The following LMNB2 variants were observed in gnomAD, a reference collection of about 807,000 sequenced individuals.
The protein encoded by LMNB2 is lamin B2.
In LMNB2, 17 loss-of-function variants were observed where a neutral mutation model predicts 69.3. The ratio of observed to expected loss-of-function variants is 0.25; its 90% CI spans 0.17 to 0.37. The LOEUF (loss-of-function observed/expected upper bound fraction) is 0.37, where lower values mean the gene tolerates loss of function less well. LMNB2 is among the 10% of genes least tolerant of loss of function. The probability of loss-of-function intolerance (pLI) is 1.00; values close to 1 mark genes in which losing one functional copy is unlikely to be tolerated. For synonymous variants in LMNB2, 397 were observed against 389.3 expected, an observed-to-expected ratio of 1.02 and a Z score of -0.23; for missense variants, 789 against 883.6, an observed-to-expected ratio of 0.89 and a Z score of 1.36.
chr19:2,432,274 A>G (rs946189278), intron 9 of LMNB2, 142 bp downstream of exon 9: 2 of 743,538 alleles, frequency 2.7e-6, no homozygotes, highest in African/African-American at 1.7e-5. Flanking sequence ...TGGAGGTTCT[A>G]TGACTGCGGC....
At position 2,428,287 on chromosome 19, in the gene LMNB2, CTGAAA is replaced by C. The variant is rs1224316297; in HGVS notation, c.*2619_*2623del. On this transcript the variant is annotated 3_prime_UTR_variant, in exon 12 of 12. Transcript: ENST00000325327. ...ATGCATCTTCTTAAAAACCGAATCT[CTGAAA>C]TGAAAGTCCATGCCAGCCCCAGCTG... The C allele has an allele frequency of 1.3e-5, 2 of 152,328 alleles. No individual in the cohort carries two copies. The highest frequency in any genetic ancestry group is 2.4e-5 in the African/African-American group (1 of 41,564). 9.4% of individuals were successfully genotyped at this position (152,328 alleles called of 1,614,324 possible). A position where few individuals can be genotyped will look rare whatever the true frequency, so the allele number is the denominator to read the frequency against.
rs1329191465 is a variant in LMNB2 at position 2,443,253 on chromosome 19, G to A, written c.401+1151C>T. ...AGCCCCAGGCCCCGGGCAGGCGGGC[G>A]GTGGTCCCTGGGCTGACCTGGAGGG... On this transcript the variant is annotated intron_variant, in intron 2 of 11. Transcript: ENST00000325327. The surrounding 1 kb of genome is among the most constrained non-coding windows in gnomAD (Gnocchi z 6.2). Among the ~76,000 whole-genome samples the A allele has an allele frequency of 5.3e-5, 8 of 152,202 alleles. No individual in the cohort carries two copies. The highest frequency in any genetic ancestry group is 1.9e-4 in the East Asian group (1 of 5,202).
At chr19:2,452,297 G>A (rs1972030965) in intron 1 of LMNB2, among the ~76,000 whole-genome samples, 1 of 152,176 alleles carries the variant, frequency 6.6e-6, no homozygotes, top group Non-Finnish European at 1.5e-5. Flanking sequence ...AGCCGGGCAT[G>A]GTGGTGGGCG....
At chr19:2,449,187 G>A (rs1013536888) in intron 1 of LMNB2, among the ~76,000 whole-genome samples, 3 of 152,148 alleles carry the variant, frequency 2.0e-5, no homozygotes, top group South Asian at 2.1e-4. Context: ...GGGAGCCACC[G>A]CACCCAGCCC....
chr19:2,443,347 G>A lies in LMNB2; in HGVS notation c.401+1057C>T, dbSNP rs115879423. 0.012 allele frequency among the ~76,000 whole-genome samples: 1,759 copies of A among 152,302 alleles called. 38 individuals carry two copies. Among genetic ancestry groups the A allele is most frequent in the African/African-American group, 0.04 (1,661 of 41,570 alleles). On this transcript the variant is annotated intron_variant, in intron 2 of 11. Transcript: ENST00000325327. The surrounding 1 kb of genome is among the most constrained non-coding windows in gnomAD (Gnocchi z 6.2). The stretch of plus-strand genomic sequence containing the variant: ...CCAGCCCAGGAAGGAGGAGGGCGTC[G>A]GATGGAGAGGTCACCTGCAACCACG...
At position 2,434,102 on chromosome 19, in the gene LMNB2, C is replaced by T. The variant is rs944537199; in HGVS notation, c.1206G>A (p.Leu402=). 7.6e-6 allele frequency: 12 copies of T among 1,584,594 alleles called. No homozygotes were observed. The highest frequency in any genetic ancestry group is 1.0e-5 in the Non-Finnish European group (12 of 1,167,404). Residue 402 remains leucine (L), a synonymous_variant, in exon 8 of 12, where the codon CTG becomes CTA. Transcript: ENST00000325327. ...RKLLEGEEER[L]KLSPSPSSRV... is the part of the protein sequence containing the mutation. The stretch of plus-strand genomic sequence containing the variant: ...GCGAGGATGGGCTGGGGGACAGCTT[C>T]AGCCTGTGGGGAAGGCAAGGAAGGT...
At chr19:2,454,268 G>A (rs1972063567) in intron 1 of LMNB2, among the ~76,000 whole-genome samples, 1 of 147,270 alleles carries the variant, frequency 6.8e-6, no homozygotes, top group Non-Finnish European at 1.5e-5. Context: ...ACTCCAGCCT[G>A]GACGACGGAG....
chr19:2,431,515 C>T (rs776329397), intron 11 of LMNB2, 33 bp downstream of exon 11: 1 of 1,612,192 alleles, frequency 6.2e-7, no homozygotes, highest in Non-Finnish European at 8.5e-7. Flanking sequence ...CCAGAGGCTG[C>T]CCCCCAGCCG....
At chr19:2,444,271 G>A in intron 2 of LMNB2, 133 bp downstream of exon 2, 1 of 1,040,576 alleles carries the variant, frequency 9.6e-7, no homozygotes. Context: ...GTGGGGGAGA[G>A]AGGATGGGAG....
At chr19:2,448,047 CG>C (rs1186497220) in intron 1 of LMNB2, among the ~76,000 whole-genome samples, 1 of 152,182 alleles carries the variant, frequency 6.6e-6, no homozygotes, top group Non-Finnish European at 1.5e-5. Context: ...AATTGTAGGA[CG>C]GGGACCCACA....
rs969631429 is a variant in LMNB2 at position 2,428,978 on chromosome 19, G to A, written c.*1933C>T. The A allele has an allele frequency of 6.6e-6, 1 of 152,152 alleles. No individual in the cohort carries two copies. Among genetic ancestry groups the A allele is most frequent in the Non-Finnish European group, 1.5e-5 (1 of 68,042 alleles). The allele number at this position is 152,152 out of a possible 1,614,324, so 9.4% of individuals were successfully genotyped here. A position where few individuals can be genotyped will look rare whatever the true frequency, so the allele number is the denominator to read the frequency against. On this transcript the variant is annotated 3_prime_UTR_variant, in exon 12 of 12. Transcript: ENST00000325327. ...CCTGGGGCGTGCTGTTTTCAGGACA[G>A]GACTGGGCAGCGTCTGGACATGAGG...
Position 2,433,955 on chromosome 19 carries a change from G to T in LMNB2, c.1353C>A (p.Val451=). 1 of 1,611,718 alleles carries T rather than the reference G, an allele frequency of 6.2e-7. No homozygotes were observed. Residue 451 remains valine (V), a synonymous_variant, in exon 8 of 12, where the codon GTC becomes GTA. Coordinates refer to ENST00000325327, the MANE Select transcript of LMNB2 (RefSeq NM_032737.4). ...CGCTGCCACCCGTGCCCGTGCCCAG[G>T]ACGCTTGGGCCGCTGCCCAAGGGCT... The part of the protein sequence containing the change: ...VEEPLGSGPS[V]LGTGTGGSGG...
In LMNB2 at chr19:2,434,084, T is replaced by A. The variant is rs1971786446; in HGVS notation, c.1224A>T (p.Pro408=). 6.3e-7 allele frequency: 1 copy of A among 1,592,388 alleles called. No homozygotes were observed. The highest frequency in any genetic ancestry group is 8.5e-7 in the Non-Finnish European group (1 of 1,171,398). Residue 408 remains proline (P), a synonymous_variant, in exon 8 of 12, where the codon CCA becomes CCT. Coordinates refer to ENST00000325327, the MANE Select transcript of LMNB2 (RefSeq NM_032737.4). Reference sequence around the variant, plus strand: ...CTCGTGAGACGGTGACGCGCGAGGATGGGCTGGGGGACAGCTTCAGCCTGT... The same window carrying A: ...CTCGTGAGACGGTGACGCGCGAGGAAGGGCTGGGGGACAGCTTCAGCCTGT... ...EEERLKLSPS[P]SSRVTVSRAT...
Position 2,443,571 on chromosome 19 carries a change from G to C in LMNB2, c.401+833C>G, listed in dbSNP as rs1599337662. ...GGCTCTGGGAGAATGAGCAGTGTGG[G>C]AAGACCCTGACCCACCCCAGCCTGA... On this transcript the variant is annotated intron_variant, in intron 2 of 11. Transcript: ENST00000325327. The surrounding 1 kb of genome is among the most constrained non-coding windows in gnomAD (Gnocchi z 6.2). Among the ~76,000 whole-genome samples, 1 of 152,148 alleles carries C rather than the reference G, an allele frequency of 6.6e-6. No individual in the cohort carries two copies.
In LMNB2 at chr19:2,453,533, C is replaced by T. The variant is rs935122527; in HGVS notation, c.264+3137G>A. ...GGGTTCCTGGCCCACTAGTCGCAGG[C>T]GGAACTCCCAGCTGTCCCCTGCCAC... On this transcript the variant is annotated intron_variant, in intron 1 of 11. Transcript: ENST00000325327. This position sits in a 1 kb window ranked among gnomAD's most constrained non-coding sequence, Gnocchi z 4.4. Among the ~76,000 whole-genome samples, 6 of 152,212 alleles carry T rather than the reference C, an allele frequency of 3.9e-5. No individual in the cohort carries two copies. The highest frequency in any genetic ancestry group is 3.3e-4 in the Admixed American group (5 of 15,292).
rs76010701 is a variant in LMNB2, at chr19:2,443,576, C to A, written c.401+828G>T. Among the ~76,000 whole-genome samples the A allele has an allele frequency of 2.0e-3, 304 of 152,214 alleles. 4 individuals are homozygous for A. Among genetic ancestry groups the A allele is most frequent in the African/African-American group, 7.1e-3 (295 of 41,536 alleles). On this transcript the variant is annotated intron_variant, in intron 2 of 11. Transcript: ENST00000325327. The surrounding 1 kb of genome is among the most constrained non-coding windows in gnomAD (Gnocchi z 6.2). Reference sequence around the variant, plus strand: ...TGGGAGAATGAGCAGTGTGGGAAGACCCTGACCCACCCCAGCCTGAGGAAA... The same window carrying A: ...TGGGAGAATGAGCAGTGTGGGAAGAACCTGACCCACCCCAGCCTGAGGAAA...
chr19:2,433,223 G>A (rs75528714), intron 8 of LMNB2, among the ~76,000 whole-genome samples: 2 of 42,442 alleles, frequency 4.7e-5, no homozygotes, highest in East Asian at 1.2e-3. Flanking sequence ...ATTGGCCGGC[G>A]GCCCCGTCAC....
At chr19:2,445,466 G>C (rs1337908295) in intron 1 of LMNB2, among the ~76,000 whole-genome samples, 1 of 152,060 alleles carries the variant, frequency 6.6e-6, no homozygotes, top group Admixed American at 6.5e-5. Flanking sequence ...GAGGCTCCAG[G>C]ACAGAAGCTC....
At chr19:2,432,631 T>C (rs1329281890) in intron 8 of LMNB2, 108 bp from the exon 9 acceptor site, 6 of 881,608 alleles carry the variant, frequency 6.8e-6, no homozygotes, top group African/African-American at 1.7e-5. Context: ...CCCCACCAGC[T>C]AGGTCACCCC....
Sources: gnomAD v4.1 joint callset for allele counts (sites outside exome capture counted in the v4.1 genomes callset) on GRCh38, gnomAD v4.1.1 for gene constraint, Gnocchi (gnomAD v3.1) non-coding constraint, MANE v1.5 for transcripts, NCBI Gene and HGNC (gene_info 2026-07-23, HGNC 2026-07-21) for gene names.